Variants in ARL15 observed in about 807,000 individuals in gnomAD.
The protein encoded by ARL15 is ADP-ribosylation factor-like protein 15.
In ARL15, 19 loss-of-function variants were observed where a neutral mutation model predicts 25.2. The observed-to-expected ratio is 0.75, with a 90% confidence interval of 0.53 to 1.10. ARL15 has a LOEUF of 1.10. Ranked by LOEUF, ARL15 falls within the 50% of genes least tolerant of loss-of-function variation. The pLI, the probability that ARL15 is intolerant of heterozygous loss-of-function variation, is 0.00. For synonymous variants in ARL15, 94 were observed against 86.8 expected, an observed-to-expected ratio of 1.08 and a Z score of -0.46; for missense variants, 220 against 246.0, an observed-to-expected ratio of 0.89 and a Z score of 0.71.
intron 4 of ARL15, among the ~76,000 whole-genome samples, chr5:53,996,906 T>C (rs1391737126): frequency 2.0e-5 from 3 of 152,146 alleles, no homozygotes; most frequent in Admixed American, 6.5e-5. Flanking sequence ...AGGCTCAACA[T>C]ATCTAAAATT....
At chr5:54,094,426 A>C (rs562641275) in intron 4 of ARL15, among the ~76,000 whole-genome samples, 1 of 140,440 alleles carries the variant, frequency 7.1e-6, no homozygotes, top group East Asian at 2.0e-4. Flanking sequence ...AACATAGCAC[A>C]AAAAAAAAAA....
At chr5:53,926,200 C>G (rs702616) in intron 4 of ARL15, among the ~76,000 whole-genome samples, 149,355 of 152,154 alleles carry the variant, frequency 0.98, 73,427 homozygotes, top group Non-Finnish European at 1. Context: ...AACCAAGATA[C>G]TAAAGCCATT....
chr5:54,214,151 AC>A (rs2112514068), intron 1 of ARL15, among the ~76,000 whole-genome samples: 1 of 152,254 alleles, frequency 6.6e-6, no homozygotes, highest in African/African-American at 2.4e-5. Context: ...AAGGACCACT[AC>A]CCAGAGATGC....
rs115133538 is a variant in ARL15, at chr5:54,187,595, A to G, written c.49-15667T>C. Among the ~76,000 whole-genome samples the G allele has an allele frequency of 1.2e-3, 184 of 152,272 alleles. 2 individuals are homozygous for G. The highest frequency in any genetic ancestry group is 4.3e-3 in the African/African-American group (178 of 41,558). ...GGTGACAGGATGAGGGCTGGTAGAA[A>G]CCCTGGAGTGAATTTTCCTGAGCAA... is the stretch of plus-strand genomic sequence containing the variant. On this transcript the variant is annotated intron_variant, in intron 1 of 4. Transcript: ENST00000504924.
At chr5:54,213,965 C>T (rs931741755) in intron 1 of ARL15, among the ~76,000 whole-genome samples, 1 of 152,060 alleles carries the variant, frequency 6.6e-6, no homozygotes, top group Non-Finnish European at 1.5e-5. Context: ...GATATACTTA[C>T]GACTAAATTT....
intron 4 of ARL15, among the ~76,000 whole-genome samples, chr5:53,955,957 A>G (rs140687856): frequency 5.6e-4 from 86 of 152,290 alleles, no homozygotes; most frequent in African/African-American, 2.0e-3. Flanking sequence ...TACGAGTCCC[A>G]AAAATATGGA....
intron 1 of ARL15, among the ~76,000 whole-genome samples, chr5:54,188,366 G>T (rs1484377638): frequency 6.6e-6 from 1 of 152,012 alleles, no homozygotes; most frequent in Non-Finnish European, 1.5e-5. Flanking sequence ...GTGAATCTGT[G>T]GAAATAATTT....
intron 3 of ARL15, among the ~76,000 whole-genome samples, chr5:54,130,710 A>G (rs1753401161): frequency 6.6e-6 from 1 of 152,326 alleles, no homozygotes. Flanking sequence ...ACAATGATAC[A>G]TACCTGGGAA....
At chr5:54,063,527 T>C (rs1751129768) in intron 4 of ARL15, among the ~76,000 whole-genome samples, 1 of 152,188 alleles carries the variant, frequency 6.6e-6, no homozygotes, top group African/African-American at 2.4e-5. Context: ...CACAGCACAA[T>C]GGTACACTGA....
In ARL15 at chr5:53,894,252, G is replaced by A. The variant is rs192465767; in HGVS notation, c.463-7539C>T. 3.3e-5 allele frequency among the ~76,000 whole-genome samples: 5 copies of A among 152,320 alleles called. No individual in the cohort carries two copies. The East Asian group carries it at 9.6e-4, about 29-fold the overall frequency. ...CAAATAATTGCAGGTAATCACCTGT[G>A]ATTGAGCCTTGCTCTTACTATAAGT... On this transcript the variant is annotated intron_variant, in intron 4 of 4. Transcript: ENST00000504924.
chr5:54,272,244 T>C (rs1039727255), intron 1 of ARL15, among the ~76,000 whole-genome samples: 1 of 149,870 alleles, frequency 6.7e-6, no homozygotes, highest in Non-Finnish European at 1.5e-5. Flanking sequence ...GGAGCCAGCA[T>C]GTCCAACCTT....
chr5:54,067,438 T>C lies in ARL15; in HGVS notation c.462+45764A>G, dbSNP rs149217340. On this transcript the variant is annotated intron_variant, in intron 4 of 4. Coordinates refer to ENST00000504924, the MANE Select transcript of ARL15 (RefSeq NM_019087.3). The stretch of plus-strand genomic sequence containing the variant: ...AGTATATATGCCATGCTTGCAGGCA[T>C]GAAAGAAAGGAAATCTGAAAGCTGT... 7.1e-3 allele frequency among the ~76,000 whole-genome samples: 1,081 copies of C among 152,332 alleles called. 14 individuals carry two copies. Among genetic ancestry groups the C allele is most frequent in the African/African-American group, 0.025 (1,025 of 41,574 alleles).
chr5:54,222,031 C>G (rs965280968), intron 1 of ARL15, among the ~76,000 whole-genome samples: 2 of 152,096 alleles, frequency 1.3e-5, no homozygotes, highest in Non-Finnish European at 2.9e-5. Context: ...ATTCTAAAAG[C>G]AAATTTTAAA....
At chr5:54,290,984 T>TAA (rs1185764908) in intron 1 of ARL15, among the ~76,000 whole-genome samples, 3 of 152,220 alleles carry the variant, frequency 2.0e-5, no homozygotes, top group Non-Finnish European at 4.4e-5. Flanking sequence ...ACTGAATCAG[T>TAA]ACTTCTATAT....
At chr5:54,142,246 T>C (rs1226128343) in intron 3 of ARL15, among the ~76,000 whole-genome samples, 1 of 152,210 alleles carries the variant, frequency 6.6e-6, no homozygotes, top group Non-Finnish European at 1.5e-5. Flanking sequence ...TCCATTTTTT[T>C]CTAAATTAGA....
At position 54,272,107 on chromosome 5, in the gene ARL15, CTTTTTTTTTTTTTT is replaced by C. The variant is rs34592464; in HGVS notation, c.48+38311_48+38324del. On this transcript the variant is annotated intron_variant, in intron 1 of 4. Coordinates refer to ENST00000504924, the MANE Select transcript of ARL15 (RefSeq NM_019087.3). ...TATAGGTGTGTGCCACCACTCCTGG[CTTTTTTTTTTTTTT>C]TTTTTTTTTTTTTGAAGACTAGGTT... 3.3e-4 allele frequency among the ~76,000 whole-genome samples: 12 copies of C among 36,790 alleles called. 1 individual carries two copies. In the South Asian group the frequency reaches 0.015, roughly 46 times the overall value. The allele number at this position is 36,790 out of a possible 152,430, so 24.1% of individuals were successfully genotyped here.
chr5:54,157,553 A>G (rs904436878), intron 2 of ARL15, among the ~76,000 whole-genome samples: 41 of 152,006 alleles, frequency 2.7e-4, no homozygotes, highest in Non-Finnish European at 4.7e-4. Context: ...CCGGGACTAC[A>G]GGCACCCACC....
At chr5:54,238,762 A>C in intron 1 of ARL15, among the ~76,000 whole-genome samples, 1 of 152,218 alleles carries the variant, frequency 6.6e-6, no homozygotes, top group East Asian at 1.9e-4. Context: ...GAATGTAATC[A>C]ACTCATTTCA....
intron 4 of ARL15, among the ~76,000 whole-genome samples, chr5:54,017,188 A>G (rs561063216): frequency 6.6e-6 from 1 of 152,254 alleles, no homozygotes; most frequent in African/African-American, 2.4e-5. Flanking sequence ...CTTAGAATCC[A>G]CCCGTGAGCA....
Sources: allele counts gnomAD v4.1 joint callset (sites outside exome capture counted in the v4.1 genomes callset), GRCh38; gene constraint gnomAD v4.1.1; transcripts MANE v1.5; gene names NCBI Gene and HGNC (gene_info 2026-07-23, HGNC 2026-07-21).